HBP1: variants seen among roughly 807,000 people sequenced by gnomAD.
The protein encoded by HBP1 is HMG-box transcription factor 1.
HBP1 carries 20 observed loss-of-function variants against 62.6 expected under a neutral mutation model. The observed-to-expected ratio is 0.32, with a 90% CI of 0.22 to 0.46. The LOEUF (loss-of-function observed/expected upper bound fraction) is 0.46. Ranked by LOEUF, HBP1 falls within the 20% of genes least tolerant of loss-of-function variation. The pLI, the probability that HBP1 is intolerant of heterozygous loss-of-function variation, is 1.00. For missense variants in HBP1, 480 were observed against 611.8 expected (o/e 0.78, Z 2.27); for synonymous variants, 232 against 206.2 (o/e 1.12, Z -1.07).
intron 1 of HBP1, among the ~76,000 whole-genome samples, chr7:107,171,073 A>ATATATATATTTTTTTTT: frequency 3.4e-5 from 3 of 87,194 alleles, no homozygotes; most frequent in African/African-American, 2.0e-4. Context: ...ATATATATAT[A>ATATATATATTTTTTTTT]TTTTTTTTTT....
At chr7:107,176,590 CAA>C (rs758977687) in intron 1 of HBP1, among the ~76,000 whole-genome samples, 31 of 152,076 alleles carry the variant, frequency 2.0e-4, no homozygotes, top group Non-Finnish European at 3.4e-4. Flanking sequence ...TACCCCACAC[CAA>C]ACAGATCAGA....
chr7:107,194,063 G>A (rs1158671592), intron 8 of HBP1, among the ~76,000 whole-genome samples: 1 of 152,222 alleles, frequency 6.6e-6, no homozygotes, highest in Non-Finnish European at 1.5e-5. Flanking sequence ...TTTGGGTACA[G>A]GTGCTTTAGT....
chr7:107,182,598 A>C lies in HBP1; in HGVS notation c.395A>C (p.Asn132Thr), dbSNP rs1373211264. 2 of 1,497,304 alleles carry C rather than the reference A, an allele frequency of 1.3e-6. No homozygotes were observed. Among genetic ancestry groups the C allele is most frequent in the Non-Finnish European group, 1.9e-6 (2 of 1,074,918 alleles). The allele number at this position is 1,497,304 out of a possible 1,614,324, so 92.8% of individuals were successfully genotyped here. ...QSPLMQCSFYNRSSPVHIIAT... is the reference protein window; with the variant it reads ...QSPLMQCSFYTRSSPVHIIAT... ...CCACTGATGCAGTGCTCATTTTACAATAGGTAGGAGCATTTATTATATTTT... is the reference window on the plus strand; with the variant it reads ...CCACTGATGCAGTGCTCATTTTACACTAGGTAGGAGCATTTATTATATTTT... The change falls in exon 3 of 11, where the codon AAT becomes ACT. Residue 132 changes from asparagine (N) to threonine (T), a missense_variant. Coordinates refer to ENST00000222574, the MANE Select transcript of HBP1 (RefSeq NM_012257.4).
At chr7:107,182,227 G>A (rs1288900988) in intron 2 of HBP1, 146 bp from the exon 3 acceptor site, 6 of 607,380 alleles carry the variant, frequency 9.9e-6, no homozygotes, top group African/African-American at 1.9e-5. Flanking sequence ...TGTTTTTCCA[G>A]TCTGTGAACA....
chr7:107,196,201 C>T (rs779513649), intron 9 of HBP1, 50 bp downstream of exon 9: 37 of 1,004,508 alleles, frequency 3.7e-5, no homozygotes, highest in Admixed American at 1.4e-4. Flanking sequence ...CACTTCAATA[C>T]GGTTCATGGT....
chr7:107,169,794 G>C (rs1402244216), intron 1 of HBP1: 2 of 985,014 alleles, frequency 2.0e-6, no homozygotes, highest in Non-Finnish European at 2.4e-6. Context: ...CGGAGTCCGG[G>C]CTGCGGTCAC....
intron 8 of HBP1, among the ~76,000 whole-genome samples, chr7:107,191,569 T>C (rs1797652990): frequency 6.6e-6 from 1 of 152,190 alleles, no homozygotes; most frequent in South Asian, 2.1e-4. Context: ...TTACTCATGA[T>C]AGCAAAAATG....
At chr7:107,195,630 T>A (rs908198473) in intron 8 of HBP1, among the ~76,000 whole-genome samples, 22 of 152,148 alleles carry the variant, frequency 1.4e-4, no homozygotes, top group African/African-American at 4.3e-4. Context: ...TTTAAAAAAA[T>A]TAATTTCAGT....
chr7:107,187,907 T>C (rs1238151854), intron 6 of HBP1, among the ~76,000 whole-genome samples: 1 of 152,264 alleles, frequency 6.6e-6, no homozygotes, highest in East Asian at 1.9e-4. Context: ...TTTGCCCCCT[T>C]CACTTTCTTC....
chr7:107,171,071 A>ATTTT lies in HBP1; in HGVS notation c.-16+1887_-16+1888insTTTT, dbSNP rs1160740045. On this transcript the variant is annotated intron_variant, in intron 1 of 10. Coordinates refer to ENST00000222574, the MANE Select transcript of HBP1 (RefSeq NM_012257.4). ...AATATATATATATATATATATATAT[A>ATTTT]TATTTTTTTTTTTTTTTGAGAGGGA... 1.8e-3 allele frequency among the ~76,000 whole-genome samples: 149 copies of ATTTT among 84,286 alleles called. 20 individuals are homozygous for ATTTT. Among genetic ancestry groups the ATTTT allele is most frequent in the African/African-American group, 0.01 (128 of 12,232 alleles). 55.3% of individuals were successfully genotyped at this position (84,286 alleles called of 152,430 possible).
intron 8 of HBP1, 116 bp downstream of exon 8, chr7:107,190,433 A>G: frequency 1.5e-6 from 1 of 656,950 alleles, no homozygotes; most frequent in Middle Eastern, 3.2e-4. Context: ...TGAGAATTAT[A>G]AAAGAATTAT....
intron 6 of HBP1, among the ~76,000 whole-genome samples, chr7:107,186,978 C>T (rs541447939): frequency 2.6e-5 from 4 of 152,226 alleles, no homozygotes; most frequent in Admixed American, 6.5e-5. Context: ...TGAGGTCGGG[C>T]GCAGTGGCTC....
At chr7:107,176,073 T>C (rs1037740908) in intron 1 of HBP1, among the ~76,000 whole-genome samples, 1 of 151,088 alleles carries the variant, frequency 6.6e-6, no homozygotes, top group Admixed American at 6.6e-5. Flanking sequence ...TTGCCCAAGC[T>C]GTAGTGCAGT....
rs996618445 is a variant in HBP1 at position 107,184,348 on chromosome 7, C to G, written c.399-1453C>G. On this transcript the variant is annotated intron_variant, in intron 3 of 10. Coordinates refer to ENST00000222574, the MANE Select transcript of HBP1 (RefSeq NM_012257.4). The stretch of plus-strand genomic sequence containing the variant: ...AATGCATGGAAATCTGAGGGCCTTT[C>G]GATTTAAGGAGTGATGTGAACATGA... Among the ~76,000 whole-genome samples the G allele has an allele frequency of 2.6e-5, 4 of 151,784 alleles. No homozygotes were observed. The South Asian group carries it at 8.3e-4, about 32-fold the overall frequency.
chr7:107,194,376 A>G (rs1377940431), intron 8 of HBP1, among the ~76,000 whole-genome samples: 2 of 152,264 alleles, frequency 1.3e-5, no homozygotes, highest in Middle Eastern at 3.4e-3. Flanking sequence ...CTATTTTTCT[A>G]AATTATGTAT....
intron 8 of HBP1, among the ~76,000 whole-genome samples, chr7:107,191,123 A>G (rs533281871): frequency 6.6e-6 from 1 of 152,310 alleles, no homozygotes; most frequent in East Asian, 1.9e-4. Flanking sequence ...TAAGTAGAGA[A>G]TTCTCAAGAG....
Position 107,186,658 on chromosome 7 carries a change from G to C in HBP1, c.742G>C (p.Asp248His). The change falls in exon 6 of 11, where the codon GAT (aspartate) becomes CAT (histidine). Residue 248 changes from aspartate (D) to histidine (H), a missense_variant. Transcript: ENST00000222574. ...AGCTGAAGGCTGTGATAATGAGGAAGATCTTCAAATGGGCATTCACAAGGT... is the reference window on the plus strand; with the variant it reads ...AGCTGAAGGCTGTGATAATGAGGAACATCTTCAAATGGGCATTCACAAGGT... ...ARAEGCDNEE[D>H]LQMGIHKGYG... The C allele has an allele frequency of 6.2e-7, 1 of 1,605,636 alleles. No homozygotes were observed. Among genetic ancestry groups the C allele is most frequent in the African/African-American group, 1.3e-5 (1 of 74,778 alleles).
intron 3 of HBP1, among the ~76,000 whole-genome samples, chr7:107,183,366 C>G (rs1352910231): frequency 1.3e-5 from 2 of 152,114 alleles, no homozygotes; most frequent in Non-Finnish European, 2.9e-5. Flanking sequence ...TAATGCATTG[C>G]TAAAGAATAA....
rs756933944 is a variant in HBP1, at chr7:107,190,295, G to A, written c.1045G>A (p.Gly349Ser). 13 of 1,608,886 alleles carry A rather than the reference G, an allele frequency of 8.1e-6. No individual in the cohort carries two copies. The highest frequency in any genetic ancestry group is 1.1e-5 in the Non-Finnish European group (13 of 1,176,790). The change falls in exon 8 of 11, where the codon GGT (glycine) becomes AGT (serine). Residue 349 changes from glycine to serine, a missense_variant. This residue lies in a region of HBP1 where 58 missense variants were observed against 128.5 expected (regional missense o/e 0.45). Coordinates refer to ENST00000222574, the MANE Select transcript of HBP1 (RefSeq NM_012257.4). ...CGATGCCATTAATTTTGATGATTCAGGTGTTTTTGATACATTTAAAAGGTA... is the reference window on the plus strand; with the variant it reads ...CGATGCCATTAATTTTGATGATTCAAGTGTTTTTGATACATTTAAAAGGTA... ...HPDAINFDDSGVFDTFKSYDF... is the reference protein window; with the variant it reads ...HPDAINFDDSSVFDTFKSYDF...
Sources: allele counts gnomAD v4.1 joint callset (sites outside exome capture counted in the v4.1 genomes callset), GRCh38; gene constraint gnomAD v4.1.1; regional missense constraint gnomAD v4.1.1; transcripts MANE v1.5; gene names NCBI Gene and HGNC (gene_info 2026-07-23, HGNC 2026-07-21).